Variants in FOXP2 observed in about 807,000 individuals in gnomAD.
The protein encoded by FOXP2 is forkhead box protein P2.
FOXP2 carries 12 observed loss-of-function variants against 115.8 expected under a neutral mutation model. The ratio of observed to expected loss-of-function variants is 0.10; its 90% CI spans 0.07 to 0.17. FOXP2 has a LOEUF of 0.17. Among genes scored for constraint, FOXP2 ranks in the 10% least tolerant of loss-of-function variants. The pLI is 1.00. For missense variants in FOXP2, 629 were observed against 843.5 expected (o/e 0.75, Z 3.15); for synonymous variants, 328 against 297.7 (o/e 1.10, Z -1.05).
At chr7:114,685,866 A>G (rs532457204) in intron 16 of FOXP2, among the ~76,000 whole-genome samples, 50 of 152,282 alleles carry the variant, frequency 3.3e-4, no homozygotes, top group African/African-American at 1.2e-3. Flanking sequence ...GTGTCTAGGG[A>G]AAAGATGAGC....
chr7:114,165,624 T>C (rs1792959527), intron 1 of FOXP2, among the ~76,000 whole-genome samples: 1 of 152,294 alleles, frequency 6.6e-6, no homozygotes, highest in East Asian at 1.9e-4. Context: ...AAATCAAAGA[T>C]CTGAATAAAT....
chr7:114,282,985 T>C (rs532581060), intron 1 of FOXP2, among the ~76,000 whole-genome samples: 1 of 152,266 alleles, frequency 6.6e-6, no homozygotes, highest in South Asian at 2.1e-4. Context: ...ACCATATTCC[T>C]CAGAAGCCTA....
intron 2 of FOXP2, among the ~76,000 whole-genome samples, chr7:114,456,988 G>A (rs77271136): frequency 5.3e-5 from 8 of 152,158 alleles, no homozygotes; most frequent in African/African-American, 1.9e-4. Context: ...AAGAGAGAGA[G>A]AGAATAAAAT....
intron 1 of FOXP2, among the ~76,000 whole-genome samples, chr7:114,268,006 G>A (rs569435139): frequency 1.7e-4 from 26 of 151,866 alleles, no homozygotes; most frequent in African/African-American, 6.0e-4. Context: ...TCCATTCTGT[G>A]TCCATGTATT....
intron 2 of FOXP2, among the ~76,000 whole-genome samples, chr7:114,406,096 C>A (rs1348502605): frequency 3.0e-5 from 3 of 101,614 alleles, no homozygotes; most frequent in Non-Finnish European, 4.5e-5. Flanking sequence ...TTTGTATATG[C>A]AACAAATTTT....
chr7:114,292,763 A>T (rs538101575), intron 2 of FOXP2, among the ~76,000 whole-genome samples: 1 of 152,320 alleles, frequency 6.6e-6, no homozygotes, highest in Admixed American at 6.5e-5. Flanking sequence ...CCTGCTATCC[A>T]TAGAGATCAC....
chr7:114,390,149 T>G (rs1201293227), intron 2 of FOXP2, among the ~76,000 whole-genome samples: 1 of 152,140 alleles, frequency 6.6e-6, no homozygotes, highest in Non-Finnish European at 1.5e-5. Flanking sequence ...TTCAAAAATT[T>G]TTTAAAAAGC....
intron 16 of FOXP2, among the ~76,000 whole-genome samples, chr7:114,674,723 A>T (rs904312194): frequency 6.6e-6 from 1 of 152,164 alleles, no homozygotes; most frequent in Admixed American, 6.5e-5. Flanking sequence ...CATCTTTCTT[A>T]TTCAGTCCTA....
intron 2 of FOXP2, among the ~76,000 whole-genome samples, chr7:114,322,178 A>C (rs1344947173): frequency 6.6e-6 from 1 of 151,816 alleles, no homozygotes; most frequent in East Asian, 2.0e-4. Context: ...ACATGCCACC[A>C]TGCCCAGCTA....
chr7:114,302,342 T>C (rs1042333497), intron 2 of FOXP2, among the ~76,000 whole-genome samples: 2 of 152,170 alleles, frequency 1.3e-5, no homozygotes. Context: ...TAAATTTATA[T>C]ATATGTACAA....
chr7:114,465,605 T>C (rs1364300405), intron 2 of FOXP2, among the ~76,000 whole-genome samples: 1 of 152,204 alleles, frequency 6.6e-6, no homozygotes, highest in Non-Finnish European at 1.5e-5. Context: ...GTGAGTTCTC[T>C]GTCACTTTTA....
At chr7:114,594,981 C>T (rs1802620312) in intron 3 of FOXP2, among the ~76,000 whole-genome samples, 1 of 151,976 alleles carries the variant, frequency 6.6e-6, no homozygotes, top group Non-Finnish European at 1.5e-5. Context: ...CTTTAATTAA[C>T]AACAGTGATT....
At chr7:114,102,343 A>G (rs775132433) in intron 1 of FOXP2, among the ~76,000 whole-genome samples, 43 of 152,060 alleles carry the variant, frequency 2.8e-4, no homozygotes, top group Non-Finnish European at 5.4e-4. Context: ...GAGCCATCAT[A>G]TATGACAGGA....
At chr7:114,331,242 T>C (rs1797704608) in intron 2 of FOXP2, among the ~76,000 whole-genome samples, 1 of 152,204 alleles carries the variant, frequency 6.6e-6, no homozygotes, top group South Asian at 2.1e-4. Context: ...TTATAATTAA[T>C]ACAAAATATA....
intron 2 of FOXP2, among the ~76,000 whole-genome samples, chr7:114,308,247 G>T (rs1316600027): frequency 6.6e-6 from 1 of 152,102 alleles, no homozygotes; most frequent in African/African-American, 2.4e-5. Context: ...GTCCTCATAG[G>T]CCACTGGGGG....
chr7:114,621,143 C>G (rs1248369619), intron 3 of FOXP2, among the ~76,000 whole-genome samples: 2 of 152,122 alleles, frequency 1.3e-5, no homozygotes, highest in Non-Finnish European at 2.9e-5. Flanking sequence ...TAATGGGTTA[C>G]AACTGTTCTC....
chr7:114,654,380 G>A (rs926382735), intron 10 of FOXP2, among the ~76,000 whole-genome samples: 2 of 152,160 alleles, frequency 1.3e-5, no homozygotes, highest in African/African-American at 2.4e-5. Flanking sequence ...TGTATGTGGT[G>A]TGCTGAAGAA....
At chr7:114,531,963 T>C (rs1287944092) in intron 2 of FOXP2, among the ~76,000 whole-genome samples, 1 of 151,890 alleles carries the variant, frequency 6.6e-6, no homozygotes, top group African/African-American at 2.4e-5. Context: ...ATAACGCAGG[T>C]TGGTAAAATG....
chr7:114,609,396 A>G (rs1803511109), intron 3 of FOXP2, among the ~76,000 whole-genome samples: 1 of 152,134 alleles, frequency 6.6e-6, no homozygotes, highest in Non-Finnish European at 1.5e-5. Context: ...AAAAACTCCT[A>G]CTGTCAATTA....
Sources: gnomAD v4.1 joint callset for allele counts (sites outside exome capture counted in the v4.1 genomes callset) on GRCh38, gnomAD v4.1.1 for gene constraint, MANE v1.5 for transcripts, NCBI Gene and HGNC (gene_info 2026-07-23, HGNC 2026-07-21) for gene names.